TRMT2B: variants seen among roughly 807,000 people sequenced by gnomAD.
TRMT2B encodes tRNA methyltransferase 2B, also known as tRNA (uracil-5-)-methyltransferase homolog B.
Under a neutral mutation model 39.7 loss-of-function variants are expected in TRMT2B, and 34 were observed. The observed-to-expected ratio is 0.86, with a 90% CI of 0.65 to 1.14. TRMT2B has a LOEUF of 1.14. Among genes scored for constraint, TRMT2B ranks in the 50% most tolerant of loss-of-function variants. TRMT2B has a pLI of 0.00. For missense variants in TRMT2B, 318 were observed against 377.2 expected, an observed-to-expected ratio of 0.84 and a Z score of 1.30; for synonymous variants, 132 against 137.3, an observed-to-expected ratio of 0.96 and a Z score of 0.27.
At chrX:101,011,887 T>C (rs138067993) in intron 13 of TRMT2B, among the ~76,000 whole-genome samples, 3,710 of 111,253 alleles carry the variant, frequency 0.033, 69 homozygotes, top group Middle Eastern at 0.07. Context: ...ATCATCAATA[T>C]CACTGTTTTG....
At chrX:101,024,867 C>T (rs2086984671) in intron 7 of TRMT2B, among the ~76,000 whole-genome samples, 1 of 109,728 alleles carries the variant, frequency 9.1e-6, no homozygotes, top group Non-Finnish European at 1.9e-5. Flanking sequence ...CATGGTGACA[C>T]ACGCCTGTAG....
chrX:101,027,236 CTT>C (rs771559223), intron 7 of TRMT2B, among the ~76,000 whole-genome samples: 8 of 100,343 alleles, frequency 8.0e-5, no homozygotes, highest in African/African-American at 3.6e-5. Context: ...CAGTTTCTTT[CTT>C]TTTTTTTTTT....
intron 1 of TRMT2B, 32 bp from the exon 2 acceptor site, chrX:101,051,765 G>A (rs1263348656): frequency 1.4e-6 from 1 of 690,592 alleles, no homozygotes; most frequent in Non-Finnish European, 1.7e-6. Flanking sequence ...AGGTTTTCCG[G>A]GCTATTTATC....
chrX:101,013,980 AG>A (rs753288559), intron 13 of TRMT2B, among the ~76,000 whole-genome samples: 5 of 110,457 alleles, frequency 4.5e-5, no homozygotes, highest in Non-Finnish European at 5.7e-5. Flanking sequence ...CCAGCTACTT[AG>A]GAGGCTGAGG....
the TRMT2B span, among the ~76,000 whole-genome samples, chrX:100,982,497 AT>A: frequency 9.2e-6 from 1 of 108,658 alleles, no homozygotes; most frequent in African/African-American, 3.4e-5. Flanking sequence ...AAATAAATAA[AT>A]AAATAAATAA....
the TRMT2B span, among the ~76,000 whole-genome samples, chrX:101,000,493 C>T: frequency 9.0e-6 from 1 of 110,742 alleles, no homozygotes; most frequent in Non-Finnish European, 1.9e-5. Flanking sequence ...CTGATGATAC[C>T]TTAGCCCTAC....
chrX:101,046,841 G>A (rs1341995980), intron 2 of TRMT2B, among the ~76,000 whole-genome samples: 8 of 111,052 alleles, frequency 7.2e-5, no homozygotes, highest in African/African-American at 2.6e-4. Context: ...CAGGAGAATC[G>A]CTTGAACCCG....
intron 7 of TRMT2B, among the ~76,000 whole-genome samples, chrX:101,030,615 T>C (rs577141311): frequency 7.1e-4 from 77 of 108,759 alleles, no homozygotes; most frequent in African/African-American, 2.6e-3. Context: ...GCCTGGCTAA[T>C]TTTTGTAGTT....
chrX:101,043,344 G>A (rs948550251), intron 2 of TRMT2B, among the ~76,000 whole-genome samples: 1 of 109,450 alleles, frequency 9.1e-6, no homozygotes, highest in Non-Finnish European at 1.9e-5. Flanking sequence ...GGTTGAGGCG[G>A]GCAGATCACG....
At chrX:101,040,975 C>T (rs916725702) in intron 4 of TRMT2B, among the ~76,000 whole-genome samples, 1 of 111,447 alleles carries the variant, frequency 9.0e-6, no homozygotes, top group Non-Finnish European at 1.9e-5. Context: ...TCTGGGAGGC[C>T]GAGGTGGGCA....
In TRMT2B at chrX:101,009,533, T is replaced by G. The variant is rs1156353104; in HGVS notation, c.*1048A>C. 1 of 89,925 alleles carries G rather than the reference T, an allele frequency of 1.1e-5. No individual in the cohort carries two copies. Among genetic ancestry groups the G allele is most frequent in the Non-Finnish European group, 2.1e-5 (1 of 47,098 alleles). 7.4% of individuals were successfully genotyped at this position (89,925 alleles called of 1,213,427 possible). On this transcript the variant is annotated 3_prime_UTR_variant, in exon 14 of 14. Transcript: ENST00000372936. ...TGGTGCTATTGCTCCTAGGGATAAC[T>G]ACATTTTCTTTTTTTTTTTTTTTTT... is the stretch of plus-strand genomic sequence containing the variant.
At chrX:101,000,248 G>A in the TRMT2B span, among the ~76,000 whole-genome samples, 1 of 108,883 alleles carries the variant, frequency 9.2e-6, no homozygotes, top group Non-Finnish European at 1.9e-5. Context: ...AGCCTCCTGA[G>A]TAGCTAGGAC....
intron 13 of TRMT2B, among the ~76,000 whole-genome samples, chrX:101,017,935 A>T (rs757232531): frequency 8.9e-5 from 10 of 112,119 alleles, no homozygotes; most frequent in Non-Finnish European, 1.1e-4. Flanking sequence ...TAATTTTGAT[A>T]TTTGAAAATA....
the TRMT2B span, among the ~76,000 whole-genome samples, chrX:100,999,484 C>T: frequency 8.9e-6 from 1 of 112,289 alleles, no homozygotes; most frequent in African/African-American, 3.2e-5. Context: ...GGAAGACTTA[C>T]ATCTCAACAA....
chrX:101,031,397 C>T (rs1266649965), intron 7 of TRMT2B, among the ~76,000 whole-genome samples: 2 of 112,371 alleles, frequency 1.8e-5, no homozygotes, highest in South Asian at 7.2e-4. Flanking sequence ...AGAAAGCAGA[C>T]ACTTCAAACA....
chrX:100,975,451 T>C, the TRMT2B span, among the ~76,000 whole-genome samples: 1 of 111,409 alleles, frequency 9.0e-6, no homozygotes, highest in Non-Finnish European at 1.9e-5. Context: ...CATCAGGCAA[T>C]TGCAAGTCCA....
chrX:100,982,587 AC>A, the TRMT2B span, among the ~76,000 whole-genome samples: 1 of 108,318 alleles, frequency 9.2e-6, no homozygotes, highest in African/African-American at 3.4e-5. Context: ...TTTCAAACCT[AC>A]TGACGGGACC....
chrX:101,012,764 C>T (rs2086320156), intron 13 of TRMT2B, among the ~76,000 whole-genome samples: 2 of 110,397 alleles, frequency 1.8e-5, no homozygotes, highest in Non-Finnish European at 1.9e-5. Context: ...ACTACGCAGC[C>T]ATAAAAAATG....
intron 7 of TRMT2B, 78 bp from the exon 8 acceptor site, chrX:101,023,694 G>C: frequency 3.0e-6 from 3 of 996,667 alleles, no homozygotes; most frequent in Non-Finnish European, 4.1e-6. Flanking sequence ...GTGATTGTTT[G>C]TGTTACATTG....
Sources: allele counts gnomAD v4.1 joint callset (sites outside exome capture counted in the v4.1 genomes callset), GRCh38; gene constraint gnomAD v4.1.1; transcripts MANE v1.5; gene names NCBI Gene and HGNC (gene_info 2026-07-23, HGNC 2026-07-21).